The following RNF7 variants were observed in gnomAD, a reference collection of about 807,000 sequenced individuals.
RNF7 encodes the protein RING-box protein 2.
Under a neutral mutation model 17.0 loss-of-function variants are expected in RNF7, and 9 were observed. The observed-to-expected ratio is 0.53, with a 90% CI of 0.32 to 0.92. RNF7 has a LOEUF of 0.92. RNF7 is among the 40% of genes least tolerant of loss of function. The probability of loss-of-function intolerance (pLI) is 0.04; values close to 1 mark genes in which losing one functional copy is unlikely to be tolerated. For missense variants in RNF7, 87 were observed against 145.8 expected (o/e 0.60, Z 2.08); for synonymous variants, 59 against 50.5 (o/e 1.17, Z -0.72).
At chr3:141,742,207 A>G (rs1370487781) in intron 1 of RNF7, among the ~76,000 whole-genome samples, 1 of 146,120 alleles carries the variant, frequency 6.8e-6, no homozygotes, top group Non-Finnish European at 1.5e-5. Context: ...CTCATCATTT[A>G]GCTCTCAAGC....
intron 1 of RNF7, among the ~76,000 whole-genome samples, chr3:141,741,751 A>G (rs1482075409): frequency 6.6e-6 from 1 of 152,052 alleles, no homozygotes; most frequent in Non-Finnish European, 1.5e-5. Flanking sequence ...TAGTATTTAC[A>G]CCTACTCCAC....
Position 141,738,383 on chromosome 3 carries a change from C to T in RNF7, c.42C>T (p.Ala14=), listed in dbSNP as rs1376043683. The T allele has an allele frequency of 2.5e-6, 4 of 1,598,520 alleles. No homozygotes were observed. Among genetic ancestry groups the T allele is most frequent in the African/African-American group, 2.7e-5 (2 of 74,570 alleles). ...VEDGEETCAL[A]SHSGSSGSKS... ...ACGGAGAGGAAACCTGCGCCCTGGC[C>T]TCTCACTCCGGGAGCTCAGGCTCCA... Residue 14 remains alanine, a synonymous_variant, in exon 1 of 3, where the codon GCC becomes GCT. Transcript: ENST00000273480.
In RNF7 at chr3:141,746,935, A is replaced by G. The variant is rs918896739; in HGVS notation, c.*1658A>G. ...TTAAATGTTTATCATTGTGCAGTGA[A>G]CTGTTTTAGTAACTTTCTGTTTGAC... On this transcript the variant is annotated 3_prime_UTR_variant, in exon 3 of 3. Transcript: ENST00000273480. 4 of 152,202 alleles carry G rather than the reference A, an allele frequency of 2.6e-5. No individual in the cohort carries two copies. The highest frequency in any genetic ancestry group is 9.6e-5 in the African/African-American group (4 of 41,460). The allele number at this position is 152,202 out of a possible 1,614,324, so 9.4% of individuals were successfully genotyped here.
intron 1 of RNF7, chr3:141,742,935 G>T: frequency 9.8e-7 from 1 of 1,021,842 alleles, no homozygotes; most frequent in Non-Finnish European, 1.2e-6. Flanking sequence ...TAAAAAACTT[G>T]TTTATGAAGC....
At position 141,746,202 on chromosome 3, in the gene RNF7, C is replaced by T. The variant is rs2084471370; in HGVS notation, c.*925C>T. 6.6e-6 allele frequency: 1 copy of T among 152,088 alleles called. No individual in the cohort carries two copies. Among genetic ancestry groups the T allele is most frequent in the African/African-American group, 2.4e-5 (1 of 41,382 alleles). The allele number at this position is 152,088 out of a possible 1,614,324, so 9.4% of individuals were successfully genotyped here. A position where few individuals can be genotyped will look rare whatever the true frequency, so the allele number is the denominator to read the frequency against. On this transcript the variant is annotated 3_prime_UTR_variant, in exon 3 of 3. Coordinates refer to ENST00000273480, the MANE Select transcript of RNF7 (RefSeq NM_014245.5). ...ATGTTGGCCAGGCTGGTCTCAAACT[C>T]CTGACCTCAGGTGATTCGCCCACCT...
chr3:141,738,324 C>A lies in RNF7; in HGVS notation c.-18C>A. 6.5e-7 allele frequency: 1 copy of A among 1,548,470 alleles called. No individual in the cohort carries two copies. The highest frequency in any genetic ancestry group is 8.7e-7 in the Non-Finnish European group (1 of 1,145,498). On this transcript the variant is annotated 5_prime_UTR_variant, in exon 1 of 3. Transcript: ENST00000273480. ...TTCCCCAAGCCAACGTCTCCGCCGT[C>A]GGCTCCGCGGCGCCGCCATGGCCGA...
intron 1 of RNF7, chr3:141,742,886 C>A: frequency 9.1e-7 from 1 of 1,094,088 alleles, no homozygotes; most frequent in Non-Finnish European, 1.1e-6. Context: ...TTATGAGTTG[C>A]TAAAGGAAGG....
At chr3:141,741,775 A>T (rs2084419691) in intron 1 of RNF7, among the ~76,000 whole-genome samples, 1 of 151,202 alleles carries the variant, frequency 6.6e-6, no homozygotes, top group Non-Finnish European at 1.5e-5. Context: ...ATTAGAAGTT[A>T]CTATAAGCTC....
intron 1 of RNF7, 142 bp from the exon 2 acceptor site, chr3:141,743,363 TTAAG>T: frequency 1.8e-6 from 1 of 546,002 alleles, no homozygotes; most frequent in Non-Finnish European, 3.2e-6. Flanking sequence ...TTATTCCTCT[TTAAG>T]TAGTTATGTT....
intron 1 of RNF7, among the ~76,000 whole-genome samples, chr3:141,739,004 C>T (rs1047912328): frequency 6.6e-6 from 1 of 152,192 alleles, no homozygotes; most frequent in South Asian, 2.1e-4. Flanking sequence ...GAGTCATCTT[C>T]CACAAAACGA....
chr3:141,739,131 G>A (rs2084389147), intron 1 of RNF7, among the ~76,000 whole-genome samples: 1 of 152,260 alleles, frequency 6.6e-6, no homozygotes, highest in African/African-American at 2.4e-5. Context: ...AGACGGGTCA[G>A]ATAGCACTAG....
intron 2 of RNF7, among the ~76,000 whole-genome samples, chr3:141,744,923 A>T (rs1411319538): frequency 6.6e-6 from 1 of 152,198 alleles, no homozygotes; most frequent in East Asian, 1.9e-4. Flanking sequence ...ACTAGGGGTC[A>T]TCACATCACC....
At chr3:141,742,429 T>C (rs574121349) in intron 1 of RNF7, among the ~76,000 whole-genome samples, 63 of 152,056 alleles carry the variant, frequency 4.1e-4, no homozygotes, top group African/African-American at 1.4e-3. Context: ...GGTTTCACCA[T>C]GTTAGCCAGG....
In RNF7 at chr3:141,738,340, C is replaced by G; in HGVS notation, c.-2C>G. The G allele has an allele frequency of 6.4e-7, 1 of 1,563,944 alleles. No homozygotes were observed. The highest frequency in any genetic ancestry group is 8.7e-7 in the Non-Finnish European group (1 of 1,154,520). On this transcript the variant is annotated 5_prime_UTR_variant, in exon 1 of 3. Coordinates refer to ENST00000273480, the MANE Select transcript of RNF7 (RefSeq NM_014245.5). ...CTCCGCCGTCGGCTCCGCGGCGCCG[C>G]CATGGCCGACGTGGAAGACGGAGAG...
In RNF7 at chr3:141,746,675, G is replaced by A. The variant is rs2084476742; in HGVS notation, c.*1398G>A. 1 of 151,834 alleles carries A rather than the reference G, an allele frequency of 6.6e-6. No homozygotes were observed. The highest frequency in any genetic ancestry group is 2.4e-5 in the African/African-American group (1 of 41,124). The allele number at this position is 151,834 out of a possible 1,614,324, so 9.4% of individuals were successfully genotyped here. A position where few individuals can be genotyped will look rare whatever the true frequency, so the allele number is the denominator to read the frequency against. ...GATATGAATTTAAGAAAAAACCTTAGAATCTTAACTTTTCACATCTGCAGA... is the reference window on the plus strand; with the variant it reads ...GATATGAATTTAAGAAAAAACCTTAAAATCTTAACTTTTCACATCTGCAGA... On this transcript the variant is annotated 3_prime_UTR_variant, in exon 3 of 3. Transcript: ENST00000273480.
chr3:141,739,881 A>G (rs1879285), intron 1 of RNF7, among the ~76,000 whole-genome samples: 9,860 of 152,124 alleles, frequency 0.065, 318 homozygotes, highest in South Asian at 0.11. Context: ...AAATTAAAAT[A>G]AAAAGCTGAC....
rs1363087646 is a variant in RNF7 at position 141,747,067 on chromosome 3, A to C, written c.*1790A>C. 6.6e-6 allele frequency: 1 copy of C among 152,258 alleles called. No homozygotes were observed. The highest frequency in any genetic ancestry group is 1.5e-5 in the Non-Finnish European group (1 of 68,050). The allele number at this position is 152,258 out of a possible 1,614,324, so 9.4% of individuals were successfully genotyped here. Reference sequence around the variant, plus strand: ...ACTTTAGGCAGTGTGACAGTATATAAATGAAATGTGGAGGATGGTGGTAAC... The same window carrying C: ...ACTTTAGGCAGTGTGACAGTATATACATGAAATGTGGAGGATGGTGGTAAC... On this transcript the variant is annotated 3_prime_UTR_variant, in exon 3 of 3. Transcript: ENST00000273480.
rs2084479329 is a variant in RNF7 at position 141,746,816 on chromosome 3, TTTA to T, written c.*1542_*1544del. ...ATGTATGCTTTTATATGGGTTACTT[TTTA>T]TTGATCACATTTCTCTGGAAATTTT... is the stretch of plus-strand genomic sequence containing the variant. On this transcript the variant is annotated 3_prime_UTR_variant, in exon 3 of 3. Transcript: ENST00000273480. 6.6e-6 allele frequency: 1 copy of T among 152,248 alleles called. No homozygotes were observed. The highest frequency in any genetic ancestry group is 1.5e-5 in the Non-Finnish European group (1 of 68,036). The allele number at this position is 152,248 out of a possible 1,614,324, so 9.4% of individuals were successfully genotyped here. A position where few individuals can be genotyped will look rare whatever the true frequency, so the allele number is the denominator to read the frequency against.
chr3:141,739,818 A>C (rs571489569), intron 1 of RNF7, among the ~76,000 whole-genome samples: 22 of 152,334 alleles, frequency 1.4e-4, no homozygotes, highest in African/African-American at 5.0e-4. Context: ...ACTTGAGCCC[A>C]GGAGTTTGAG....
Sources: allele counts gnomAD v4.1 joint callset (sites outside exome capture counted in the v4.1 genomes callset), GRCh38; gene constraint gnomAD v4.1.1; transcripts MANE v1.5; gene names NCBI Gene and HGNC (gene_info 2026-07-23, HGNC 2026-07-21).